ST3GAL1: variants seen among roughly 807,000 people sequenced by gnomAD.
ST3GAL1 encodes CMP-N-acetylneuraminate-beta-galactosamide-alpha-2,3-sialyltransferase 1.
A neutral mutation model predicts 34.1 loss-of-function variants in ST3GAL1; 16 were observed. That is an observed-to-expected ratio of 0.47 (90% CI 0.32 to 0.71). ST3GAL1 has a LOEUF of 0.71. Ranked by LOEUF, ST3GAL1 falls within the 30% of genes least tolerant of loss-of-function variation. The probability of loss-of-function intolerance (pLI) is 0.04; values close to 1 mark genes in which losing one functional copy is unlikely to be tolerated. For synonymous variants in ST3GAL1, 191 were observed against 184.7 expected (o/e 1.03, Z -0.28); for missense variants, 353 against 447.4 (o/e 0.79, Z 1.90).
intron 2 of ST3GAL1, among the ~76,000 whole-genome samples, chr8:133,534,754 G>T (rs1365299473): frequency 6.6e-6 from 1 of 152,222 alleles, no homozygotes; most frequent in African/African-American, 2.4e-5. Flanking sequence ...AGGCCAGCTA[G>T]CCAGATATCA....
In ST3GAL1 at chr8:133,457,204, G is replaced by C. The variant is rs1815331385; in HGVS notation, c.*2560C>G. ...GAGGCTGGAAGAGATCTCACAGCTT[G>C]ACCACCCTAGTAGGAGGGAGGGAGA... On this transcript the variant is annotated 3_prime_UTR_variant, in exon 10 of 10. Coordinates refer to ENST00000522652, the MANE Select transcript of ST3GAL1 (RefSeq NM_173344.3). The C allele has an allele frequency of 6.6e-6, 1 of 152,166 alleles. No homozygotes were observed. Among genetic ancestry groups the C allele is most frequent in the Non-Finnish European group, 1.5e-5 (1 of 68,040 alleles). 9.4% of individuals were successfully genotyped at this position (152,166 alleles called of 1,614,324 possible). A position where few individuals can be genotyped will look rare whatever the true frequency, so the allele number is the denominator to read the frequency against.
At chr8:133,463,311 T>G in intron 8 of ST3GAL1, 103 bp downstream of exon 8, 10 of 1,329,842 alleles carry the variant, frequency 7.5e-6, no homozygotes, top group Non-Finnish European at 1.1e-5. Context: ...TCCAGCGGCC[T>G]GGGGATCTGG....
At chr8:133,475,117 T>G (rs1356098440) in intron 5 of ST3GAL1, among the ~76,000 whole-genome samples, 2 of 152,206 alleles carry the variant, frequency 1.3e-5, no homozygotes, top group Non-Finnish European at 2.9e-5. Context: ...CTAAACCTGA[T>G]GACAGGTGTC....
intron 2 of ST3GAL1, among the ~76,000 whole-genome samples, chr8:133,510,798 G>A (rs1433559689): frequency 6.6e-6 from 1 of 152,178 alleles, no homozygotes; most frequent in Non-Finnish European, 1.5e-5. Flanking sequence ...CATGTTGCCT[G>A]GACCCAGTGG....
At chr8:133,567,029 T>C (rs1392581913) in intron 1 of ST3GAL1, 1 of 152,246 alleles carries the variant, frequency 6.6e-6, no homozygotes, top group Non-Finnish European at 1.5e-5. Flanking sequence ...TATTATTATT[T>C]TGCACACACA....
chr8:133,539,182 C>T (rs374528401), intron 2 of ST3GAL1, among the ~76,000 whole-genome samples: 21 of 152,294 alleles, frequency 1.4e-4, no homozygotes, highest in South Asian at 4.1e-4. Context: ...AAAGTGCCTT[C>T]GAAAATCCCA....
Position 133,487,234 on chromosome 8 carries a change from G to A in ST3GAL1, c.-373-10634C>T, listed in dbSNP as rs115472154. On this transcript the variant is annotated intron_variant, in intron 3 of 9. Transcript: ENST00000522652. ...GATTACAGGCATGAGCTACCACACC[G>A]TACAATCATGTTACTAATAATCTTG... is the stretch of plus-strand genomic sequence containing the variant. Among the ~76,000 whole-genome samples, 999 of 151,784 alleles carry A rather than the reference G, an allele frequency of 6.6e-3. 10 individuals carry two copies. Among genetic ancestry groups the A allele is most frequent in the African/African-American group, 0.023 (953 of 41,392 alleles).
In ST3GAL1 at chr8:133,510,017, C is replaced by A. The variant is rs545568254; in HGVS notation, c.-428-10828G>T. ...GAGGTTGCAGTGAGCCAAGATCACA[C>A]CATTGCACTCCAGCCTGGGCAACAA... On this transcript the variant is annotated intron_variant, in intron 2 of 9. Coordinates refer to ENST00000522652, the MANE Select transcript of ST3GAL1 (RefSeq NM_173344.3). Among the ~76,000 whole-genome samples the A allele has an allele frequency of 7.9e-3, 1,180 of 149,184 alleles. 12 individuals carry two copies. Among genetic ancestry groups the A allele is most frequent in the African/African-American group, 0.027 (1,105 of 40,358 alleles).
chr8:133,507,328 A>G (rs1375839319), intron 2 of ST3GAL1, among the ~76,000 whole-genome samples: 1 of 152,230 alleles, frequency 6.6e-6, no homozygotes, highest in Non-Finnish European at 1.5e-5. Context: ...CTGCCTGGAG[A>G]AAGAGAAAGA....
intron 2 of ST3GAL1, among the ~76,000 whole-genome samples, chr8:133,541,518 C>G (rs1005224177): frequency 3.9e-5 from 6 of 152,158 alleles, no homozygotes; most frequent in African/African-American, 7.2e-5. Flanking sequence ...CCACGTGCGT[C>G]TACACACACC....
intron 1 of ST3GAL1, among the ~76,000 whole-genome samples, chr8:133,555,651 T>C (rs751495211): frequency 6.6e-6 from 1 of 152,224 alleles, no homozygotes; most frequent in African/African-American, 2.4e-5. Flanking sequence ...TCAAGCCATT[T>C]AGGACCCACC....
At chr8:133,555,488 G>A (rs900487771) in intron 1 of ST3GAL1, among the ~76,000 whole-genome samples, 3 of 152,060 alleles carry the variant, frequency 2.0e-5, no homozygotes, top group African/African-American at 4.8e-5. Context: ...ACTCCCACCC[G>A]CACCATTGAT....
At chr8:133,562,750 C>G (rs1298516232) in intron 1 of ST3GAL1, among the ~76,000 whole-genome samples, 1 of 151,674 alleles carries the variant, frequency 6.6e-6, no homozygotes, top group Non-Finnish European at 1.5e-5. Flanking sequence ...GGGCTCCAGT[C>G]GAGTCTTCTA....
chr8:133,554,168 A>T (rs1280571927), intron 1 of ST3GAL1, among the ~76,000 whole-genome samples: 1 of 152,160 alleles, frequency 6.6e-6, no homozygotes, highest in African/African-American at 2.4e-5. Context: ...CACTTTTCCA[A>T]AAGTTAATTT....
intron 1 of ST3GAL1, among the ~76,000 whole-genome samples, chr8:133,559,728 C>T (rs938272977): frequency 9.2e-5 from 14 of 152,186 alleles, no homozygotes; most frequent in African/African-American, 3.4e-4. Context: ...GTTGCAACAG[C>T]GACGCTGACG....
At chr8:133,522,730 G>C (rs910901663) in intron 2 of ST3GAL1, among the ~76,000 whole-genome samples, 3 of 152,170 alleles carry the variant, frequency 2.0e-5, no homozygotes, top group Non-Finnish European at 4.4e-5. Flanking sequence ...ACTGGCCTAA[G>C]GGGCACAGTG....
At chr8:133,500,088 T>C (rs1207694383) in intron 2 of ST3GAL1, among the ~76,000 whole-genome samples, 2 of 152,212 alleles carry the variant, frequency 1.3e-5, no homozygotes, top group Admixed American at 1.3e-4. Flanking sequence ...GGGTGCTCAG[T>C]TGAGGGCAAT....
intron 5 of ST3GAL1, among the ~76,000 whole-genome samples, chr8:133,475,281 C>T (rs772393939): frequency 2.0e-5 from 3 of 152,226 alleles, no homozygotes; most frequent in South Asian, 2.1e-4. Flanking sequence ...GGGCCTGGGG[C>T]GGCTTCCCCC....
chr8:133,487,783 A>G (rs1242812317), intron 3 of ST3GAL1, among the ~76,000 whole-genome samples: 1 of 152,040 alleles, frequency 6.6e-6, no homozygotes, highest in Non-Finnish European at 1.5e-5. Flanking sequence ...AGCCCAGACA[A>G]CATGGTGAAA....
Sources: allele counts gnomAD v4.1 joint callset (sites outside exome capture counted in the v4.1 genomes callset), GRCh38; gene constraint gnomAD v4.1.1; transcripts MANE v1.5; gene names NCBI Gene and HGNC (gene_info 2026-07-23, HGNC 2026-07-21).